The following GBA1 variants were observed in gnomAD, a reference collection of about 807,000 sequenced individuals.
The protein encoded by GBA1 is glucosylceramidase beta 1.
the GBA1 span, chr1:155,239,960 C>T: frequency 1.2e-5 from 20 of 1,613,938 alleles, no homozygotes; most frequent in Admixed American, 8.3e-5. Context: ...ACTCTCATAG[C>T]GGCTGAAGGT....
the GBA1 span, chr1:155,238,894 A>C: frequency 2.1e-5 from 11 of 527,132 alleles, no homozygotes; most frequent in Non-Finnish European, 2.7e-5. Context: ...CAGGAACCAA[A>C]TGTCAGGGAT....
the GBA1 span, chr1:155,244,065 T>G: frequency 2.8e-3 from 426 of 152,444 alleles, no homozygotes; most frequent in Non-Finnish European, 5.0e-3. Flanking sequence ...TATAATCTCT[T>G]CTTCATTAGT....
At chr1:155,240,620 A>C in the GBA1 span, 6 of 1,610,854 alleles carry the variant, frequency 3.7e-6, no homozygotes, top group Admixed American at 1.7e-5. Context: ...CACTGCCTTG[A>C]CTCACTCACC....
At chr1:155,236,155 G>T in the GBA1 span, 11 of 1,157,746 alleles carry the variant, frequency 9.5e-6, no homozygotes, top group Non-Finnish European at 1.4e-5. Flanking sequence ...GCTGGGGAAA[G>T]CTGGACAGGA....
chr1:155,237,831 G>A, the GBA1 span: 8 of 779,298 alleles, frequency 1.0e-5, no homozygotes, highest in Admixed American at 1.3e-4. Context: ...GAACTCAGGA[G>A]GCAGAGGTTA....
the GBA1 span, chr1:155,238,292 G>C: frequency 1.3e-6 from 2 of 1,584,816 alleles, no homozygotes; most frequent in African/African-American, 2.7e-5. Context: ...GCAGGGCTCG[G>C]TGAATCAGGG....
the GBA1 span, chr1:155,241,402 T>C: frequency 1.9e-6 from 1 of 520,914 alleles, no homozygotes; most frequent in African/African-American, 1.9e-5. Context: ...CATGTATGGG[T>C]GACAACTTTA....
chr1:155,240,337 GCCTGTAAT>G, the GBA1 span: 1 of 601,472 alleles, frequency 1.7e-6, no homozygotes, highest in East Asian at 2.8e-5. Flanking sequence ...AGTGGTGGCC[GCCTGTAAT>G]CCCAGCTACC....
At chr1:155,236,240 C>G in the GBA1 span, 1 of 1,612,766 alleles carries the variant, frequency 6.2e-7, no homozygotes, top group Non-Finnish European at 8.5e-7. Context: ...ACTGGGGTGG[C>G]TTACCGTGAT....
At chr1:155,238,073 A>G in the GBA1 span, 8 of 1,554,866 alleles carry the variant, frequency 5.1e-6, no homozygotes, top group Non-Finnish European at 7.1e-6. Context: ...GGGTTGGGAC[A>G]CAGATCAGCA....
chr1:155,240,053 C>A, the GBA1 span: 2 of 1,613,886 alleles, frequency 1.2e-6, no homozygotes, highest in African/African-American at 1.3e-5. Flanking sequence ...GTAGCCGAAG[C>A]TTTTAGGGAT....
chr1:155,237,387 A>G, the GBA1 span: 1 of 1,614,000 alleles, frequency 6.2e-7, no homozygotes, highest in Non-Finnish European at 8.5e-7. Flanking sequence ...ATCCAGCATG[A>G]GTAGGCGGAC....
chr1:155,237,441 G>A, the GBA1 span: 1 of 1,613,996 alleles, frequency 6.2e-7, no homozygotes, highest in Non-Finnish European at 8.5e-7. Flanking sequence ...TAGGTCACGG[G>A]CAATGAAGTC....
At chr1:155,239,587 C>G in the GBA1 span, 30 of 1,613,586 alleles carry the variant, frequency 1.9e-5, no homozygotes, top group African/African-American at 2.7e-4. Flanking sequence ...TTCAATGGCT[C>G]TATGTCATCT....
chr1:155,244,358 C>A, the GBA1 span: 1 of 152,054 alleles, frequency 6.6e-6, no homozygotes. Context: ...CAAGAAGGCG[C>A]CATTACACTC....
the GBA1 span, chr1:155,239,887 T>C: frequency 6.2e-7 from 1 of 1,614,094 alleles, no homozygotes; most frequent in Non-Finnish European, 8.5e-7. Context: ...AATGGTTACC[T>C]GTGCCCGTGT....
chr1:155,236,192 C>T, the GBA1 span: 27 of 1,470,384 alleles, frequency 1.8e-5, no homozygotes, highest in Admixed American at 4.2e-4. Flanking sequence ...TTTGGTGAAA[C>T]TAGTAAGAGG....
chr1:155,238,274 G>T, the GBA1 span: 1 of 1,603,518 alleles, frequency 6.2e-7, no homozygotes, highest in Non-Finnish European at 8.5e-7. Context: ...CGGGACGCTG[G>T]GCCAACTGCA....
At chr1:155,236,648 C>T in the GBA1 span, among the ~76,000 whole-genome samples, 4 of 151,836 alleles carry the variant, frequency 2.6e-5, no homozygotes, top group South Asian at 4.2e-4. Context: ...AGTACAGTGG[C>T]GCAATCACGA....
Sources: allele counts gnomAD v4.1 joint callset (sites outside exome capture counted in the v4.1 genomes callset), GRCh38; gene constraint gnomAD v4.1.1; transcripts MANE v1.5; gene names NCBI Gene and HGNC (gene_info 2026-07-23, HGNC 2026-07-21).